The following EPS15 variants were observed in gnomAD, a reference collection of about 807,000 sequenced individuals.
EPS15 encodes epidermal growth factor receptor substrate 15.
Under a neutral mutation model 113.8 loss-of-function variants are expected in EPS15, and 72 were observed. The observed-to-expected ratio is 0.63, with a 90% CI of 0.52 to 0.77. The LOEUF is 0.77. EPS15 is among the 30% of genes least tolerant of loss of function. EPS15 has a pLI of 0.00. For missense variants in EPS15, 1,048 were observed against 1,045.8 expected (o/e 1.00, Z -0.03); for synonymous variants, 344 against 363.4 (o/e 0.95, Z 0.61).
chr1:51,468,370 G>T, intron 5 of EPS15, 103 bp downstream of exon 5: 1 of 859,620 alleles, frequency 1.2e-6, no homozygotes, highest in Non-Finnish European at 1.9e-6. Flanking sequence ...GAGTGAAAGG[G>T]CCAAAGGGAG....
intron 21 of EPS15, among the ~76,000 whole-genome samples, chr1:51,369,305 C>G (rs930201416): frequency 1.2e-4 from 18 of 152,138 alleles, no homozygotes; most frequent in Non-Finnish European, 4.4e-5. Context: ...TGATTTGAGG[C>G]AGAGGCCCGT....
chr1:51,423,260 C>G (rs1218359337), intron 12 of EPS15: 1 of 1,288,594 alleles, frequency 7.8e-7, no homozygotes, highest in African/African-American at 1.5e-5. Context: ...TTTAAACAGT[C>G]CCTTACCATG....
intron 12 of EPS15, among the ~76,000 whole-genome samples, chr1:51,431,991 T>C (rs934655928): frequency 1.7e-4 from 26 of 152,136 alleles, no homozygotes; most frequent in Non-Finnish European, 2.9e-4. Flanking sequence ...ATTATTACCA[T>C]TACATTGTTT....
chr1:51,411,066 C>T (rs2148434039), intron 13 of EPS15, among the ~76,000 whole-genome samples: 1 of 152,282 alleles, frequency 6.6e-6, no homozygotes. Context: ...GAGCTCTTAA[C>T]CACCATGTGA....
Position 51,435,247 on chromosome 1 carries a change from G to A in EPS15, c.1040+5100C>T, listed in dbSNP as rs554871253. On this transcript the variant is annotated intron_variant, in intron 12 of 24. Transcript: ENST00000371733. ...CTGTTGCCTAAGCTGGAGTGATCTC[G>A]GCTGTGAGTGATCTCGGCTCACTGC... 3.3e-5 allele frequency among the ~76,000 whole-genome samples: 5 copies of A among 151,426 alleles called. No individual in the cohort carries two copies. The South Asian group carries it at 6.3e-4, about 19-fold the overall frequency.
intron 12 of EPS15, among the ~76,000 whole-genome samples, chr1:51,438,126 T>A (rs1329103957): frequency 6.6e-6 from 1 of 152,040 alleles, no homozygotes; most frequent in African/African-American, 2.4e-5. Context: ...ACTAATGGAG[T>A]TGACAGATTA....
intron 7 of EPS15, chr1:51,463,079 T>C (rs1383502202): frequency 6.6e-6 from 1 of 151,964 alleles, no homozygotes; most frequent in Non-Finnish European, 1.5e-5. Flanking sequence ...GGTTTCACCA[T>C]ATTGGCCAGG....
chr1:51,379,933 G>A (rs777816048), intron 21 of EPS15, among the ~76,000 whole-genome samples: 45 of 151,894 alleles, frequency 3.0e-4, no homozygotes, highest in Non-Finnish European at 4.7e-4. Flanking sequence ...ATGGTGGTGC[G>A]TGCCTGTAGT....
intron 21 of EPS15, among the ~76,000 whole-genome samples, chr1:51,371,211 G>A (rs1646641494): frequency 6.6e-6 from 1 of 152,126 alleles, no homozygotes; most frequent in African/African-American, 2.4e-5. Flanking sequence ...CACTGTGCCT[G>A]GCCAATCGTT....
At chr1:51,419,917 T>A (rs1476203889) in intron 13 of EPS15, among the ~76,000 whole-genome samples, 4 of 152,132 alleles carry the variant, frequency 2.6e-5, no homozygotes, top group African/African-American at 9.7e-5. Context: ...ATCCACATCA[T>A]TCTTAGTCTA....
At chr1:51,394,282 A>T (rs1343924892) in intron 21 of EPS15, 99 bp downstream of exon 21, 4 of 667,110 alleles carry the variant, frequency 6.0e-6, no homozygotes, top group Non-Finnish European at 1.0e-5. Flanking sequence ...AATAATTTTA[A>T]AGCTATAAAT....
chr1:51,416,080 T>C (rs1044757688), intron 13 of EPS15, among the ~76,000 whole-genome samples: 4 of 152,076 alleles, frequency 2.6e-5, no homozygotes, highest in African/African-American at 9.7e-5. Flanking sequence ...GCAACAGATG[T>C]ACCTCTCTCT....
intron 8 of EPS15, chr1:51,458,105 A>G (rs925479891): frequency 2.6e-5 from 4 of 152,190 alleles, no homozygotes; most frequent in African/African-American, 9.6e-5. Context: ...GAGAAGCAGT[A>G]TTAAAATCAC....
intron 1 of EPS15, among the ~76,000 whole-genome samples, chr1:51,493,572 AT>A (rs1478264674): frequency 4.7e-4 from 69 of 147,094 alleles, no homozygotes; most frequent in East Asian, 9.8e-4. Flanking sequence ...AAATAAATAA[AT>A]AAATAAAAAT....
At chr1:51,503,714 T>C (rs1644451769) in intron 1 of EPS15, among the ~76,000 whole-genome samples, 1 of 152,116 alleles carries the variant, frequency 6.6e-6, no homozygotes, top group South Asian at 2.1e-4. Context: ...AAAACAACAA[T>C]ACTCAAGACA....
At chr1:51,371,405 T>C (rs1361069290) in intron 21 of EPS15, among the ~76,000 whole-genome samples, 2 of 152,094 alleles carry the variant, frequency 1.3e-5, no homozygotes, top group Non-Finnish European at 2.9e-5. Flanking sequence ...ACAGTGATAT[T>C]GATGGTCCTG....
rs142104959 is a variant in EPS15 at position 51,446,964 on chromosome 1, T to C, written c.793A>G (p.Ile265Val). 6 of 1,604,236 alleles carry C rather than the reference T, an allele frequency of 3.7e-6. No individual in the cohort carries two copies. In the African/African-American group the frequency reaches 4.0e-5, roughly 11 times the overall value. The change falls in exon 10 of 25, where the codon ATA becomes GTA. Residue 265 changes from isoleucine to valine, a missense_variant. Physicochemically the swap from Ile to Val is conservative, Grantham distance 29. Transcript: ENST00000371733. The part of the protein sequence containing the change: ...TGLPSTLLAH[I>V]WSLCDTKDCG... ...TCAATTCAAATAAAGTCTTACCATA[T>C]ATGGGCTAGTAAGGTAGAAGGTAAA...
At chr1:51,385,387 G>A (rs978483018) in intron 21 of EPS15, among the ~76,000 whole-genome samples, 1 of 152,160 alleles carries the variant, frequency 6.6e-6, no homozygotes, top group Admixed American at 6.6e-5. Flanking sequence ...CCATTAGGAT[G>A]CCTATAAAAC....
chr1:51,384,963 C>T (rs892864231), intron 21 of EPS15, among the ~76,000 whole-genome samples: 1 of 152,118 alleles, frequency 6.6e-6, no homozygotes, highest in Non-Finnish European at 1.5e-5. Context: ...GGATTAAATA[C>T]CTAAATGTAA....
Sources: gnomAD v4.1 joint callset for allele counts (sites outside exome capture counted in the v4.1 genomes callset) on GRCh38, gnomAD v4.1.1 for gene constraint, MANE v1.5 for transcripts, NCBI Gene and HGNC (gene_info 2026-07-23, HGNC 2026-07-21) for gene names.